Variants in PLGRKT observed in about 807,000 individuals in gnomAD.
PLGRKT encodes the protein plasminogen receptor (KT).
A neutral mutation model predicts 18.5 loss-of-function variants in PLGRKT; 22 were observed. The ratio of observed to expected loss-of-function variants is 1.19; its 90% CI spans 0.85 to 1.70. The LOEUF (loss-of-function observed/expected upper bound fraction) is 1.70, where lower values mean the gene tolerates loss of function less well. Among genes scored for constraint, PLGRKT ranks in the 40% most tolerant of loss-of-function variants. The probability of loss-of-function intolerance (pLI) is 0.00; values close to 1 mark genes in which losing one functional copy is unlikely to be tolerated. For missense variants in PLGRKT, 235 were observed against 174.4 expected (o/e 1.35, Z -1.96); for synonymous variants, 72 against 52.8 (o/e 1.36, Z -1.58).
Position 5,361,903 on chromosome 9 carries a change from A to G in PLGRKT, c.82-15T>C. ...TGCCTTTCCAGCTAAGGACAAAACA[A>G]AAGACAAAGTAAAGTTACTCATCTT... On this transcript the variant is annotated splice_polypyrimidine_tract_variant and intron_variant, in intron 3 of 5. Coordinates refer to ENST00000223864, the MANE Select transcript of PLGRKT (RefSeq NM_018465.4). 1.2e-6 allele frequency: 2 copies of G among 1,608,100 alleles called. No individual in the cohort carries two copies.
At chr9:5,390,365 G>T (rs1817926267) in intron 3 of PLGRKT, among the ~76,000 whole-genome samples, 1 of 151,640 alleles carries the variant, frequency 6.6e-6, no homozygotes. Flanking sequence ...CCTCATGCTG[G>T]ACCAGTTTCA....
intron 3 of PLGRKT, among the ~76,000 whole-genome samples, chr9:5,431,371 T>A (rs1818819394): frequency 6.6e-6 from 1 of 151,748 alleles, no homozygotes; most frequent in Non-Finnish European, 1.5e-5. Flanking sequence ...TTGTCTCTAT[T>A]AAAAATACAA....
At chr9:5,384,685 C>G (rs1817808475) in intron 3 of PLGRKT, among the ~76,000 whole-genome samples, 1 of 151,918 alleles carries the variant, frequency 6.6e-6, no homozygotes, top group Admixed American at 6.6e-5. Context: ...TGAAAAAGAT[C>G]TAAGGTCATG....
At chr9:5,420,198 G>C (rs1302970282) in intron 3 of PLGRKT, among the ~76,000 whole-genome samples, 1 of 152,244 alleles carries the variant, frequency 6.6e-6, no homozygotes, top group Admixed American at 6.5e-5. Context: ...GAAAGCAGAT[G>C]AGTGGTTGCA....
At chr9:5,361,297 T>G in intron 4 of PLGRKT, 110 bp from the exon 5 acceptor site, 1 of 624,794 alleles carries the variant, frequency 1.6e-6, no homozygotes. Flanking sequence ...GCCTTTTCCT[T>G]CAGAAGTTAC....
intron 3 of PLGRKT, among the ~76,000 whole-genome samples, chr9:5,403,177 G>C (rs1818187778): frequency 6.6e-6 from 1 of 150,434 alleles, no homozygotes; most frequent in Non-Finnish European, 1.5e-5. Context: ...TAGGTGCTTT[G>C]TTATACAGCG....
chr9:5,430,134 G>A (rs778929501), intron 3 of PLGRKT, among the ~76,000 whole-genome samples: 2 of 152,162 alleles, frequency 1.3e-5, no homozygotes, highest in African/African-American at 2.4e-5. Context: ...ACACCACCAC[G>A]CTCATGCTGT....
At chr9:5,436,411 T>C (rs1658418847) in intron 2 of PLGRKT, among the ~76,000 whole-genome samples, 158 bp downstream of exon 2, 1 of 152,246 alleles carries the variant, frequency 6.6e-6, no homozygotes, top group Admixed American at 6.5e-5. Context: ...ACAACTGTAC[T>C]CTAGTACTAT....
intron 3 of PLGRKT, among the ~76,000 whole-genome samples, chr9:5,375,708 G>A (rs906366723): frequency 1.3e-5 from 2 of 152,192 alleles, no homozygotes; most frequent in East Asian, 3.8e-4. Context: ...AACCACTGTT[G>A]GTGAGGATGT....
chr9:5,430,749 C>T (rs529660905), intron 3 of PLGRKT, among the ~76,000 whole-genome samples: 2 of 152,212 alleles, frequency 1.3e-5, no homozygotes, highest in African/African-American at 4.8e-5. Context: ...GGACTTTCTA[C>T]TCCCAGAGCC....
At chr9:5,403,259 T>C (rs1222231194) in intron 3 of PLGRKT, among the ~76,000 whole-genome samples, 2 of 151,072 alleles carry the variant, frequency 1.3e-5, no homozygotes, top group African/African-American at 4.9e-5. Flanking sequence ...GTTTTGCTCT[T>C]GTTGCCCAAG....
chr9:5,422,847 A>G lies in PLGRKT; in HGVS notation c.81+9050T>C, dbSNP rs969458497. ...AATATTGGTTTTAAAGTTTTTTTTTAAAGTTTTCCTCTCCTCTACATGCAC... is the reference window on the plus strand; with the variant it reads ...AATATTGGTTTTAAAGTTTTTTTTTGAAGTTTTCCTCTCCTCTACATGCAC... On this transcript the variant is annotated intron_variant, in intron 3 of 5. Transcript: ENST00000223864. Among the ~76,000 whole-genome samples, 15 of 152,216 alleles carry G rather than the reference A, an allele frequency of 9.9e-5. 1 individual carries two copies. Among genetic ancestry groups the G allele is most frequent in the Admixed American group, 5.9e-4 (9 of 15,276 alleles).
Position 5,396,828 on chromosome 9 carries a change from A to T in PLGRKT, c.82-34940T>A, listed in dbSNP as rs1338336287. Among the ~76,000 whole-genome samples, 5 of 152,138 alleles carry T rather than the reference A, an allele frequency of 3.3e-5. No individual in the cohort carries two copies. In the South Asian group the frequency reaches 8.3e-4, roughly 25 times the overall value. On this transcript the variant is annotated intron_variant, in intron 3 of 5. Transcript: ENST00000223864. ...TGAATGTAACAGATGGAAGCCAGCT[A>T]TGGATAAATCTACAACTCCAACAAA...
intron 3 of PLGRKT, among the ~76,000 whole-genome samples, chr9:5,409,678 C>T (rs1382396910): frequency 6.6e-6 from 1 of 152,240 alleles, no homozygotes; most frequent in East Asian, 1.9e-4. Context: ...TGCCCAAAGC[C>T]TTGGGAGCCC....
intron 3 of PLGRKT, among the ~76,000 whole-genome samples, chr9:5,407,681 T>A (rs1017925300): frequency 9.2e-5 from 14 of 152,062 alleles, no homozygotes; most frequent in Non-Finnish European, 1.3e-4. Context: ...AAGCATTGCT[T>A]TGCAAATCCA....
intron 3 of PLGRKT, among the ~76,000 whole-genome samples, chr9:5,373,042 G>A (rs911664435): frequency 6.6e-6 from 1 of 152,170 alleles, no homozygotes; most frequent in African/African-American, 2.4e-5. Flanking sequence ...GAAAATTGGG[G>A]TGGAATGGAC....
At chr9:5,386,797 G>T (rs1817852645) in intron 3 of PLGRKT, among the ~76,000 whole-genome samples, 1 of 151,828 alleles carries the variant, frequency 6.6e-6, no homozygotes, top group Non-Finnish European at 1.5e-5. Context: ...TTCATTATGG[G>T]CATAAAAAGT....
chr9:5,400,562 A>G (rs1331427930), intron 3 of PLGRKT, among the ~76,000 whole-genome samples: 1 of 151,948 alleles, frequency 6.6e-6, no homozygotes, highest in Non-Finnish European at 1.5e-5. Context: ...AGATTCAAAG[A>G]TAACACAAAA....
chr9:5,400,896 G>C (rs949100223), intron 3 of PLGRKT, among the ~76,000 whole-genome samples: 3 of 151,880 alleles, frequency 2.0e-5, no homozygotes, highest in African/African-American at 7.3e-5. Flanking sequence ...GAAACATTCT[G>C]AGGCACTGCT....
Sources: gnomAD v4.1 joint callset for allele counts (sites outside exome capture counted in the v4.1 genomes callset) on GRCh38, gnomAD v4.1.1 for gene constraint, MANE v1.5 for transcripts, NCBI Gene and HGNC (gene_info 2026-07-23, HGNC 2026-07-21) for gene names.